Variants in FOLH1 observed in about 807,000 individuals in gnomAD.
FOLH1 encodes folate hydrolase 1.
Under a neutral mutation model 93.9 loss-of-function variants are expected in FOLH1, and 54 were observed. The observed-to-expected ratio is 0.57, with a 90% confidence interval of 0.46 to 0.72. The LOEUF (loss-of-function observed/expected upper bound fraction) is 0.72, where lower values mean the gene tolerates loss of function less well. Among genes scored for constraint, FOLH1 ranks in the 30% least tolerant of loss-of-function variants. FOLH1 has a pLI of 0.00. For synonymous variants in FOLH1, 249 were observed against 303.6 expected (o/e 0.82, Z 1.87); for missense variants, 571 against 892.5 (o/e 0.64, Z 4.59).
chr11:49,156,576 TACTGTC>T (rs1857062055), intron 15 of FOLH1, 135 bp downstream of exon 15: 1 of 975,766 alleles, frequency 1.0e-6, no homozygotes, highest in African/African-American at 1.6e-5. Flanking sequence ...GTAGTAGTGA[TACTGTC>T]AACCATTGAG....
chr11:49,177,524 C>T (rs1860195414), intron 7 of FOLH1, among the ~76,000 whole-genome samples: 1 of 151,808 alleles, frequency 6.6e-6, no homozygotes. Flanking sequence ...GCAGAGCTTC[C>T]CTTCTAACAA....
chr11:49,200,497 C>G, intron 2 of FOLH1, 56 bp from the exon 3 acceptor site: 1 of 1,573,674 alleles, frequency 6.4e-7, no homozygotes, highest in Non-Finnish European at 8.7e-7. Context: ...ACTTTTATTC[C>G]AAATCAACAA....
chr11:49,168,961 GAAAAGAA>G (rs923756142), intron 12 of FOLH1, among the ~76,000 whole-genome samples: 68 of 151,820 alleles, frequency 4.5e-4, no homozygotes, highest in African/African-American at 1.5e-3. Flanking sequence ...AGAAAAGAAA[GAAAAGAA>G]AAGAGAAAAG....
At chr11:49,170,118 G>T (rs1859064773) in intron 11 of FOLH1, among the ~76,000 whole-genome samples, 1 of 151,910 alleles carries the variant, frequency 6.6e-6, no homozygotes, top group Non-Finnish European at 1.5e-5. Flanking sequence ...TTTACAGCAT[G>T]ACTGGAAATT....
At chr11:49,196,017 G>A (rs1379342654) in intron 3 of FOLH1, among the ~76,000 whole-genome samples, 6 of 152,076 alleles carry the variant, frequency 3.9e-5, no homozygotes, top group African/African-American at 1.4e-4. Context: ...AGCCGGGTGC[G>A]GTGGCTCATG....
chr11:49,171,724 A>T (rs2773255), intron 10 of FOLH1, among the ~76,000 whole-genome samples: 22 of 152,054 alleles, frequency 1.4e-4, no homozygotes, highest in African/African-American at 5.3e-4. Context: ...ATGATTTCAC[A>T]CCATTCTCTG....
chr11:49,175,011 AAAACTGGTT>A, intron 8 of FOLH1, 34 bp from the exon 9 acceptor site: 2 of 1,596,268 alleles, frequency 1.3e-6, no homozygotes, highest in South Asian at 2.2e-5. Flanking sequence ...CTTAAAAAAA[AAAACTGGTT>A]AACAGATTAA....
At chr11:49,207,153 G>A (rs1348166779) in intron 1 of FOLH1, among the ~76,000 whole-genome samples, 2 of 152,032 alleles carry the variant, frequency 1.3e-5, no homozygotes, top group Non-Finnish European at 2.9e-5. Context: ...AGGACGAGAT[G>A]CTTGAACTGA....
chr11:49,153,577 C>T (rs1415624640), intron 17 of FOLH1, among the ~76,000 whole-genome samples: 3 of 152,100 alleles, frequency 2.0e-5, no homozygotes, highest in East Asian at 3.9e-4. Context: ...CTCAGAATGT[C>T]GAAAGTAGGT....
intron 18 of FOLH1, among the ~76,000 whole-genome samples, chr11:49,148,301 T>C (rs10839232): frequency 0.086 from 12,969 of 151,218 alleles, 692 homozygotes; most frequent in South Asian, 0.23. Context: ...GAAAAGGAGC[T>C]AAAATTATAC....
At chr11:49,160,039 A>C (rs2134963453) in intron 13 of FOLH1, among the ~76,000 whole-genome samples, 1 of 151,882 alleles carries the variant, frequency 6.6e-6, no homozygotes. Context: ...CAGCCTCCCG[A>C]GCAGCTGGGA....
At chr11:49,172,286 T>G (rs1454145309) in intron 10 of FOLH1, among the ~76,000 whole-genome samples, 1 of 152,182 alleles carries the variant, frequency 6.6e-6, no homozygotes, top group Non-Finnish European at 1.5e-5. Flanking sequence ...ACTACCTACT[T>G]CATGAATTAT....
In FOLH1 at chr11:49,187,713, A is replaced by G. The variant is rs149247047; in HGVS notation, c.514-944T>C. Among the ~76,000 whole-genome samples the G allele has an allele frequency of 3.3e-5, 5 of 152,336 alleles. No individual in the cohort carries two copies. In the East Asian group the frequency reaches 7.7e-4, roughly 24 times the overall value. On this transcript the variant is annotated intron_variant, in intron 4 of 18. Coordinates refer to ENST00000256999, the MANE Select transcript of FOLH1 (RefSeq NM_004476.3). ...GATGAGCTGTCCAGATTCACGGTCA[A>G]TGAAGGACTTTTTGCTCCAGCTGCA...
chr11:49,159,811 AT>A (rs1289385992), intron 13 of FOLH1, among the ~76,000 whole-genome samples: 1 of 151,942 alleles, frequency 6.6e-6, no homozygotes, highest in Admixed American at 6.6e-5. Flanking sequence ...TTCAGAACTC[AT>A]GATTGGCCTG....
rs140123322 is a variant in FOLH1 at position 49,185,693 on chromosome 11, G to A, written c.802C>T (p.Leu268Phe). Residue 268 changes from leucine (L) to phenylalanine (F), a missense_variant, in exon 6 of 19, where the codon CTC (leucine) becomes TTC (phenylalanine). Physicochemically the swap from Leu to Phe is conservative, Grantham distance 22. Around this residue, in one of 2 missense-constraint regions of FOLH1, gnomAD observed 500 missense variants for 822.9 expected, o/e 0.61. Transcript: ENST00000256999. ...CCATTTGCTGGGTAACCTGGTGTGAGAGGGTCTCCTGCACCATTCAGATTT... is the reference window on the plus strand; with the variant it reads ...CCATTTGCTGGGTAACCTGGTGTGAAAGGGTCTCCTGCACCATTCAGATTT... ...ILNLNGAGDP[L>F]TPGYPANEYA... The A allele has an allele frequency of 2.0e-3, 3,159 of 1,613,784 alleles. 5 individuals are homozygous for A. Among genetic ancestry groups the A allele is most frequent in the South Asian group, 2.4e-3 (222 of 91,050 alleles).
intron 7 of FOLH1, among the ~76,000 whole-genome samples, chr11:49,177,817 G>T (rs1254096062): frequency 6.7e-6 from 1 of 149,056 alleles, no homozygotes; most frequent in African/African-American, 2.5e-5. Flanking sequence ...CAAAAAATGA[G>T]CCGGGCATGG....
intron 7 of FOLH1, among the ~76,000 whole-genome samples, chr11:49,178,167 C>T (rs1433993265): frequency 2.0e-5 from 3 of 152,170 alleles, no homozygotes; most frequent in Non-Finnish European, 2.9e-5. Context: ...AATGACACAC[C>T]TGGTCTAACC....
At chr11:49,164,823 T>C in intron 12 of FOLH1, 51 bp from the exon 13 acceptor site, 1 of 1,397,104 alleles carries the variant, frequency 7.2e-7, no homozygotes, top group Non-Finnish European at 9.9e-7. Flanking sequence ...TTTCTGTTAT[T>C]ATTTTCTTCA....
rs1301579531 is a variant in FOLH1 at position 49,154,441 on chromosome 11, A to T, written c.1675T>A (p.Tyr559Asn). ...TCATAAAACTTTTCCACCAACTCAT[A>T]TGTTTCATAGACACTGTGATACAGT... is the stretch of plus-strand genomic sequence containing the variant. ...YPLYHSVYETYELVEKFYDPM... is the reference protein window; with the variant it reads ...YPLYHSVYETNELVEKFYDPM... Residue 559 changes from tyrosine (Y) to asparagine (N), a missense_variant, in exon 16 of 19, where the codon TAT (tyrosine) becomes AAT (asparagine). Transcript: ENST00000256999. The T allele has an allele frequency of 5.6e-6, 9 of 1,610,154 alleles. No homozygotes were observed. The highest frequency in any genetic ancestry group is 7.6e-6 in the Non-Finnish European group (9 of 1,177,524).
Sources: allele counts gnomAD v4.1 joint callset (sites outside exome capture counted in the v4.1 genomes callset), GRCh38; gene constraint gnomAD v4.1.1; regional missense constraint gnomAD v4.1.1; transcripts MANE v1.5; gene names NCBI Gene and HGNC (gene_info 2026-07-23, HGNC 2026-07-21).